Variants in MMD2 observed in about 807,000 individuals in gnomAD.
MMD2 encodes monocyte to macrophage differentiation associated 2.
MMD2 carries 30 observed loss-of-function variants against 33.5 expected under a neutral mutation model. That is an observed-to-expected ratio of 0.90 (90% confidence interval 0.67 to 1.22). The LOEUF (loss-of-function observed/expected upper bound fraction) is 1.22, where lower values mean the gene tolerates loss of function less well. Ranked by LOEUF, MMD2 falls within the 50% of genes most tolerant of loss-of-function variation. MMD2 has a pLI of 0.00. For synonymous variants in MMD2, 129 were observed against 123.0 expected, an observed-to-expected ratio of 1.05 and a Z score of -0.32; for missense variants, 364 against 325.4, an observed-to-expected ratio of 1.12 and a Z score of -0.91.
In MMD2 at chr7:4,911,247, CT is replaced by C. The variant is rs1785000003; in HGVS notation, c.366-2del. 1 of 1,581,998 alleles carries C rather than the reference CT, an allele frequency of 6.3e-7. No homozygotes were observed. Among genetic ancestry groups the C allele is most frequent in the Non-Finnish European group, 8.6e-7 (1 of 1,164,618 alleles). On this transcript the variant is annotated splice_acceptor_variant, in intron 4 of 6. Coordinates refer to ENST00000401401, the MANE Select transcript of MMD2 (RefSeq NM_198403.4). LOFTEE classifies it high-confidence loss of function. ...GGGGCCCAGCTCCCGAAGGTTCAGCCTGGGAGAGAAAGAGCCAAGGCCATGG... is the reference window on the plus strand; with the variant it reads ...GGGGCCCAGCTCCCGAAGGTTCAGCCGGGAGAGAAAGAGCCAAGGCCATGG...
chr7:4,919,089 AC>A (rs1353958969), intron 3 of MMD2, among the ~76,000 whole-genome samples: 1 of 151,348 alleles, frequency 6.6e-6, no homozygotes, highest in East Asian at 2.0e-4. Context: ...ACAGAGTGAG[AC>A]CCCATCTCAA....
intron 2 of MMD2, among the ~76,000 whole-genome samples, chr7:4,922,359 C>T (rs911455153): frequency 8.5e-5 from 13 of 152,070 alleles, no homozygotes. Context: ...CCCTTGAGGC[C>T]AGGAGTTTGA....
chr7:4,903,845 G>C (rs555427478), downstream of MMD2, among the ~76,000 whole-genome samples: 1 of 152,210 alleles, frequency 6.6e-6, no homozygotes, highest in African/African-American at 2.4e-5. Flanking sequence ...GAGGCATGAC[G>C]ACAGCTCTGC....
intron 5 of MMD2, among the ~76,000 whole-genome samples, chr7:4,910,724 GT>G (rs1203928050): frequency 6.6e-6 from 1 of 152,144 alleles, no homozygotes; most frequent in African/African-American, 2.4e-5. Context: ...CACCACCCGG[GT>G]TCAAACCATT....
chr7:4,950,051 T>C (rs2115158541), intron 1 of MMD2, among the ~76,000 whole-genome samples: 1 of 150,956 alleles, frequency 6.6e-6, no homozygotes, highest in South Asian at 2.1e-4. Flanking sequence ...GCATACAATT[T>C]GCTGTCATTA....
At chr7:4,945,239 C>CTT (rs71033001) in intron 1 of MMD2, among the ~76,000 whole-genome samples, 2,512 of 142,144 alleles carry the variant, frequency 0.018, 63 homozygotes, top group Non-Finnish European at 0.027. Context: ...TCTTCTTCTT[C>CTT]CTCTCTCTCT....
rs1290296457 is a variant in MMD2, at chr7:4,959,076, T to TG, written c.-60dup. 1.7e-5 allele frequency: 21 copies of TG among 1,226,716 alleles called. No individual in the cohort carries two copies. The highest frequency in any genetic ancestry group is 9.8e-5 in the East Asian group (3 of 30,756). 76.0% of individuals were successfully genotyped at this position (1,226,716 alleles called of 1,614,324 possible). ...CAGAGCGCGGGTAGCTGGCAGAGCCTGGGGGGCGCGGCGGCGGCAGCAGCA... is the reference window on the plus strand; with the variant it reads ...CAGAGCGCGGGTAGCTGGCAGAGCCTGGGGGGGCGCGGCGGCGGCAGCAGCA... On this transcript the variant is annotated 5_prime_UTR_variant, in exon 1 of 7. Coordinates refer to ENST00000401401, the MANE Select transcript of MMD2 (RefSeq NM_198403.4).
intron 3 of MMD2, among the ~76,000 whole-genome samples, chr7:4,917,040 C>T (rs189025056): frequency 5.6e-4 from 86 of 152,234 alleles, no homozygotes; most frequent in Non-Finnish European, 1.1e-3. Context: ...CCACTGCACT[C>T]CAGTCTGGGC....
the MMD2 span, among the ~76,000 whole-genome samples, chr7:4,893,757 G>T: frequency 6.6e-6 from 1 of 152,202 alleles, no homozygotes; most frequent in East Asian, 1.9e-4. Flanking sequence ...AAACGGATGG[G>T]CAATTCCCAG....
At chr7:4,943,916 C>G (rs1263622090) in intron 1 of MMD2, among the ~76,000 whole-genome samples, 1 of 151,748 alleles carries the variant, frequency 6.6e-6, no homozygotes, top group East Asian at 2.0e-4. Context: ...ATCCTCCCAC[C>G]TCAACCTCCT....
At chr7:4,895,938 C>G in the MMD2 span, among the ~76,000 whole-genome samples, 2 of 152,120 alleles carry the variant, frequency 1.3e-5, no homozygotes, top group Non-Finnish European at 2.9e-5. Flanking sequence ...CTGCTCACTC[C>G]TTCCCGGGAA....
intron 1 of MMD2, among the ~76,000 whole-genome samples, chr7:4,954,309 T>C (rs914690533): frequency 6.6e-6 from 1 of 152,246 alleles, no homozygotes; most frequent in Admixed American, 6.5e-5. Context: ...TTATTCTCTA[T>C]ATATTTTGGA....
At chr7:4,938,339 C>A (rs1785806830) in intron 1 of MMD2, among the ~76,000 whole-genome samples, 1 of 151,972 alleles carries the variant, frequency 6.6e-6, no homozygotes, top group Non-Finnish European at 1.5e-5. Context: ...GCTCTTTAGG[C>A]TGGGAAGTCC....
intron 4 of MMD2, among the ~76,000 whole-genome samples, chr7:4,913,100 C>G (rs954644482): frequency 6.6e-6 from 1 of 151,938 alleles, no homozygotes; most frequent in Non-Finnish European, 1.5e-5. Flanking sequence ...TAAGTAACAC[C>G]GAAAAGTTTA....
chr7:4,907,708 C>A lies in MMD2; in HGVS notation c.538-109G>T. ...ACCAAAAGACATGCAGATGGCAAAC[C>A]AGCCCAGACTCCCAGGTGGGAAGCC... On this transcript the variant is annotated intron_variant, in intron 6 of 6. Coordinates refer to ENST00000401401, the MANE Select transcript of MMD2 (RefSeq NM_198403.4). 4 of 988,010 alleles carry A rather than the reference C, an allele frequency of 4.0e-6. No homozygotes were observed. The South Asian group carries it at 5.9e-5, about 14-fold the overall frequency. 61.2% of individuals were successfully genotyped at this position (988,010 alleles called of 1,614,324 possible).
chr7:4,935,806 G>T (rs574772235), intron 1 of MMD2, among the ~76,000 whole-genome samples: 1 of 151,954 alleles, frequency 6.6e-6, no homozygotes, highest in South Asian at 2.1e-4. Context: ...TATGTAAGAT[G>T]TTCCACTAGG....
intron 1 of MMD2, among the ~76,000 whole-genome samples, chr7:4,939,035 C>G (rs4481479): frequency 0.13 from 19,791 of 151,722 alleles, 1,527 homozygotes; most frequent in East Asian, 0.33. Flanking sequence ...TGGTGAAACC[C>G]CATCTCTACT....
chr7:4,931,913 C>T (rs977004644), intron 1 of MMD2, among the ~76,000 whole-genome samples: 13 of 152,160 alleles, frequency 8.5e-5, no homozygotes, highest in Non-Finnish European at 1.5e-4. Flanking sequence ...TCCAGGAGGC[C>T]GGGCCAATTT....
chr7:4,947,991 C>T (rs1029310800), intron 1 of MMD2, among the ~76,000 whole-genome samples: 2 of 152,086 alleles, frequency 1.3e-5, no homozygotes, highest in African/African-American at 4.8e-5. Context: ...AGCCACCGCG[C>T]CCGGCCACTA....
Sources: gnomAD v4.1 joint callset for allele counts (sites outside exome capture counted in the v4.1 genomes callset) on GRCh38, gnomAD v4.1.1 for gene constraint, MANE v1.5 for transcripts, NCBI Gene and HGNC (gene_info 2026-07-23, HGNC 2026-07-21) for gene names.